The following OS9 variants were observed in gnomAD, a reference collection of about 807,000 sequenced individuals.
The protein encoded by OS9 is OS9 endoplasmic reticulum lectin.
OS9 carries 58 observed loss-of-function variants against 84.7 expected under a neutral mutation model. The ratio of observed to expected loss-of-function variants is 0.68; its 90% CI spans 0.55 to 0.85. The LOEUF is 0.85. Among genes scored for constraint, OS9 ranks in the 40% least tolerant of loss-of-function variants. The probability of loss-of-function intolerance (pLI) is 0.00; values close to 1 mark genes in which losing one functional copy is unlikely to be tolerated. For missense variants in OS9, 760 were observed against 850.9 expected (o/e 0.89, Z 1.33); for synonymous variants, 278 against 320.8 (o/e 0.87, Z 1.43).
intron 5 of OS9, among the ~76,000 whole-genome samples, chr12:57,701,604 T>C (rs11833119): frequency 1.3e-5 from 2 of 151,882 alleles, no homozygotes; most frequent in Admixed American, 1.3e-4. Context: ...GTCTGTATTG[T>C]GTTTCATTGC....
intron 5 of OS9, among the ~76,000 whole-genome samples, chr12:57,706,716 G>A (rs1425132835): frequency 2.0e-5 from 3 of 152,076 alleles, no homozygotes; most frequent in Admixed American, 6.5e-5. Context: ...TGATGTGGTG[G>A]TGTACACCTG....
At chr12:57,705,105 C>T (rs924390581) in intron 5 of OS9, among the ~76,000 whole-genome samples, 1 of 152,172 alleles carries the variant, frequency 6.6e-6, no homozygotes, top group Non-Finnish European at 1.5e-5. Context: ...TTCCAATAGT[C>T]TATCTATTCC....
At position 57,720,280 on chromosome 12, in the gene OS9, G is replaced by T. The variant is rs183835662; in HGVS notation, c.1765+17G>T. The T allele has an allele frequency of 1.5e-5, 25 of 1,613,396 alleles. No homozygotes were observed. Among genetic ancestry groups the T allele is most frequent in the Non-Finnish European group, 1.9e-5 (23 of 1,179,724 alleles). On this transcript the variant is annotated intron_variant, in intron 13 of 14. Transcript: ENST00000315970. ...CAGCTGCAGGTGGGCCCTGGAGGGCGGCTGGACCCAGTGCTGTCGGAAGGG... is the reference window on the plus strand; with the variant it reads ...CAGCTGCAGGTGGGCCCTGGAGGGCTGCTGGACCCAGTGCTGTCGGAAGGG...
intron 8 of OS9, 46 bp from the exon 9 acceptor site, chr12:57,716,647 C>A: frequency 6.3e-7 from 1 of 1,581,752 alleles, no homozygotes; most frequent in Non-Finnish European, 8.7e-7. Flanking sequence ...GTATGGAGGG[C>A]ATGAACAGGC....
Position 57,718,851 on chromosome 12 carries a change from G to A in OS9, c.1411-142G>A, listed in dbSNP as rs1472896076. 8 of 655,402 alleles carry A rather than the reference G, an allele frequency of 1.2e-5. No individual in the cohort carries two copies. The Admixed American group carries it at 1.4e-4, about 11-fold the overall frequency. The allele number at this position is 655,402 out of a possible 1,614,324, so 40.6% of individuals were successfully genotyped here. A position where few individuals can be genotyped will look rare whatever the true frequency, so the allele number is the denominator to read the frequency against. On this transcript the variant is annotated intron_variant, in intron 11 of 14. Coordinates refer to ENST00000315970, the MANE Select transcript of OS9 (RefSeq NM_006812.4). Reference sequence around the variant, plus strand: ...ACCCGGGAGGCGGAGGTTGCAGTGAGCCGAGACGGCACCACTGTACTCCAG... The same window carrying A: ...ACCCGGGAGGCGGAGGTTGCAGTGAACCGAGACGGCACCACTGTACTCCAG...
rs1954636557 is a variant in OS9 at position 57,720,275 on chromosome 12, A to G, written c.1765+12A>G. On this transcript the variant is annotated intron_variant, in intron 13 of 14. Coordinates refer to ENST00000315970, the MANE Select transcript of OS9 (RefSeq NM_006812.4). Reference sequence around the variant, plus strand: ...ACTCACAGCTGCAGGTGGGCCCTGGAGGGCGGCTGGACCCAGTGCTGTCGG... The same window carrying G: ...ACTCACAGCTGCAGGTGGGCCCTGGGGGGCGGCTGGACCCAGTGCTGTCGG... 2.5e-6 allele frequency: 4 copies of G among 1,613,552 alleles called. No individual in the cohort carries two copies. The highest frequency in any genetic ancestry group is 3.4e-6 in the Non-Finnish European group (4 of 1,179,826).
At chr12:57,717,127 C>T (rs1283065937) in intron 9 of OS9, among the ~76,000 whole-genome samples, 3 of 152,188 alleles carry the variant, frequency 2.0e-5, no homozygotes, top group African/African-American at 7.2e-5. Context: ...GGAAGACAAG[C>T]CCTTAGCCCC....
chr12:57,712,308 G>A (rs1954355518), intron 5 of OS9, among the ~76,000 whole-genome samples: 1 of 152,200 alleles, frequency 6.6e-6, no homozygotes, highest in East Asian at 1.9e-4. Flanking sequence ...GATATGTTAT[G>A]TCTTCATTTT....
chr12:57,704,970 T>C (rs1252991269), intron 5 of OS9, among the ~76,000 whole-genome samples: 1 of 152,224 alleles, frequency 6.6e-6, no homozygotes, highest in African/African-American at 2.4e-5. Flanking sequence ...ATACACCTAT[T>C]TTCCACAGTT....
rs1954600121 is a variant in OS9 at position 57,719,104 on chromosome 12, CAG to C, written c.1525_1526del (p.Pro510ArgfsTer28). On this transcript the variant is annotated frameshift_variant, in exon 12 of 15. Coordinates refer to ENST00000315970, the MANE Select transcript of OS9 (RefSeq NM_006812.4). LOFTEE classifies it high-confidence loss of function. ...ACTCATCAAAAGACTGGAGGAAAAA[CAG>C]AGTCCAGAGCTGGTGAAGAAGCACA... is the stretch of plus-strand genomic sequence containing the variant. ...NKLIKRLEEK[Q>X]SPELVKKHKK... 2 of 1,614,112 alleles carry C rather than the reference CAG, an allele frequency of 1.2e-6. No homozygotes were observed. The highest frequency in any genetic ancestry group is 1.7e-6 in the Non-Finnish European group (2 of 1,180,020).
intron 11 of OS9, 22 bp from the exon 12 acceptor site, chr12:57,718,971 T>C: frequency 9.4e-6 from 15 of 1,596,794 alleles, no homozygotes; most frequent in Non-Finnish European, 1.1e-5. Context: ...CTTGACTCAC[T>C]CTCTTCTCTT....
Position 57,720,816 on chromosome 12 carries a change from C to A in OS9, c.1911C>A (p.Arg637=). Reference sequence around the variant, plus strand: ...GAGCTGAAGAGGCCCAGAAGGAACGCCAGCGGCAGAAAGAGCTGGAGAGCA... The same window carrying A: ...GAGCTGAAGAGGCCCAGAAGGAACGACAGCGGCAGAAAGAGCTGGAGAGCA... ...VPGAEEAQKE[R]QRQKELESNY... Residue 637 remains arginine, a synonymous_variant, in exon 15 of 15, where the codon CGC becomes CGA. Transcript: ENST00000315970. 6.2e-7 allele frequency: 1 copy of A among 1,613,452 alleles called. No homozygotes were observed. Among genetic ancestry groups the A allele is most frequent in the Non-Finnish European group, 8.5e-7 (1 of 1,179,614 alleles).
intron 5 of OS9, among the ~76,000 whole-genome samples, chr12:57,711,078 C>T (rs1215238980): frequency 6.6e-6 from 1 of 150,412 alleles, no homozygotes; most frequent in Non-Finnish European, 1.5e-5. Context: ...AATATTTCCT[C>T]CCATACTTGT....
intron 10 of OS9, 51 bp downstream of exon 10, chr12:57,718,009 A>G: frequency 6.4e-7 from 1 of 1,559,624 alleles, no homozygotes; most frequent in South Asian, 1.2e-5. Context: ...AACTGCGAGC[A>G]TTTGAAAAAC....
At chr12:57,708,226 T>G (rs1337058149) in intron 5 of OS9, among the ~76,000 whole-genome samples, 1 of 152,180 alleles carries the variant, frequency 6.6e-6, no homozygotes, top group African/African-American at 2.4e-5. Context: ...TTAGCCTCTT[T>G]CCATCCTTAA....
chr12:57,708,572 G>C (rs1015608406), intron 5 of OS9, among the ~76,000 whole-genome samples: 1 of 150,900 alleles, frequency 6.6e-6, no homozygotes, highest in Non-Finnish European at 1.5e-5. Flanking sequence ...AGGTTGCAGT[G>C]AGCTATTGTC....
In OS9 at chr12:57,720,915, A is replaced by G. The variant is rs1954662899; in HGVS notation, c.*6A>G. 5.0e-6 allele frequency: 8 copies of G among 1,614,032 alleles called. No homozygotes were observed. Among genetic ancestry groups the G allele is most frequent in the Non-Finnish European group, 6.8e-6 (8 of 1,179,938 alleles). On this transcript the variant is annotated 3_prime_UTR_variant, in exon 15 of 15. Transcript: ENST00000315970. The stretch of plus-strand genomic sequence containing the variant: ...TGGACGAATTTGACTTCTGAGACCA[A>G]CACTACACTTGACCCTTCACGGAAT...
At chr12:57,702,378 T>C (rs2140301932) in intron 5 of OS9, among the ~76,000 whole-genome samples, 1 of 152,392 alleles carries the variant, frequency 6.6e-6, no homozygotes, top group South Asian at 2.1e-4. Context: ...CATGGTGTTT[T>C]CAAGGTTCAT....
intron 5 of OS9, among the ~76,000 whole-genome samples, chr12:57,700,072 G>A (rs1953975198): frequency 2.0e-5 from 3 of 151,992 alleles, no homozygotes; most frequent in Admixed American, 1.3e-4. Flanking sequence ...TCCAGCCTGG[G>A]TGACAGAGTG....
Sources: allele counts gnomAD v4.1 joint callset (sites outside exome capture counted in the v4.1 genomes callset), GRCh38; gene constraint gnomAD v4.1.1; transcripts MANE v1.5; gene names NCBI Gene and HGNC (gene_info 2026-07-23, HGNC 2026-07-21).